Variants in DCLRE1B observed in about 807,000 individuals in gnomAD.
DCLRE1B encodes DNA cross-link repair 1B, also known as 5' exonuclease Apollo.
A neutral mutation model predicts 19.8 loss-of-function variants in DCLRE1B; 6 were observed. The observed-to-expected ratio is 0.30, with a 90% CI of 0.17 to 0.60. DCLRE1B has a LOEUF of 0.60. Ranked by LOEUF, DCLRE1B falls within the 20% of genes least tolerant of loss-of-function variation. The pLI, the probability that DCLRE1B is intolerant of heterozygous loss-of-function variation, is 0.87. For missense variants in DCLRE1B, 622 were observed against 654.2 expected, an observed-to-expected ratio of 0.95 and a Z score of 0.54; for synonymous variants, 258 against 255.7, an observed-to-expected ratio of 1.01 and a Z score of -0.09.
Position 113,905,366 on chromosome 1 carries a change from G to T in DCLRE1B, c.-221G>T. 1.8e-6 allele frequency: 1 copy of T among 557,126 alleles called. No individual in the cohort carries two copies. The highest frequency in any genetic ancestry group is 3.1e-6 in the Non-Finnish European group (1 of 322,782). The allele number at this position is 557,126 out of a possible 1,614,324, so 34.5% of individuals were successfully genotyped here. A position where few individuals can be genotyped will look rare whatever the true frequency, so the allele number is the denominator to read the frequency against. On this transcript the variant is annotated 5_prime_UTR_variant, in exon 1 of 4. Transcript: ENST00000650450. ...CTCGGCCTCCGCTCCCGCGCGGTTG[G>T]GAGTGTCCAGCGCCCTCCGCGATTT...
chr1:113,909,500 AAGG>A (rs1260667817), intron 3 of DCLRE1B, among the ~76,000 whole-genome samples: 5 of 152,324 alleles, frequency 3.3e-5, no homozygotes, highest in African/African-American at 7.2e-5. Flanking sequence ...TCAACTCTGA[AAGG>A]AGTTTCAAAA....
intron 1 of DCLRE1B, 21 bp downstream of exon 1, chr1:113,905,796 T>C (rs1456478269): frequency 6.3e-7 from 1 of 1,595,872 alleles, no homozygotes; most frequent in Non-Finnish European, 8.6e-7. Flanking sequence ...GGAGTCGGTC[T>C]CCGAGAGCTG....
intron 1 of DCLRE1B, 127 bp from the exon 2 acceptor site, chr1:113,906,869 T>C: frequency 9.9e-7 from 1 of 1,007,324 alleles, no homozygotes; most frequent in Non-Finnish European, 1.5e-6. Context: ...GAATCCCCAT[T>C]ACAGCTTCTG....
intron 3 of DCLRE1B, among the ~76,000 whole-genome samples, chr1:113,908,573 T>A (rs1031208292): frequency 2.0e-5 from 3 of 152,184 alleles, no homozygotes; most frequent in Non-Finnish European, 4.4e-5. Flanking sequence ...TAAGTGCCAT[T>A]GCACTCCAGC....
rs1437783844 is a variant in DCLRE1B at position 113,911,494 on chromosome 1, G to A, written c.902G>A (p.Arg301Gln). ...PCQVVPIVSR[R>Q]PCGGFQDSLS... is the part of the protein sequence containing the mutation. The stretch of plus-strand genomic sequence containing the variant: ...CAGGTGGTGCCCATTGTAAGTCGGC[G>A]GCCCTGTGGAGGCTTTCAGGACAGT... Residue 301 changes from arginine (R) to glutamine (Q), a missense_variant, in exon 4 of 4, where the codon CGG (arginine) becomes CAG (glutamine). Arg to Gln is a conservative substitution (Grantham distance 43). Coordinates refer to ENST00000650450, the MANE Select transcript of DCLRE1B (RefSeq NM_022836.4). 6.8e-6 allele frequency: 11 copies of A among 1,614,072 alleles called. No individual in the cohort carries two copies. Among genetic ancestry groups the A allele is most frequent in the Middle Eastern group, 1.6e-4 (1 of 6,062 alleles).
chr1:113,907,250 G>T, intron 2 of DCLRE1B, 89 bp downstream of exon 2: 1 of 1,149,760 alleles, frequency 8.7e-7, no homozygotes, highest in East Asian at 2.6e-5. Flanking sequence ...ATAGACTGGG[G>T]CCTCGCAGTG....
chr1:113,906,492 A>ACT (rs1027831146), intron 1 of DCLRE1B, among the ~76,000 whole-genome samples: 2 of 118,218 alleles, frequency 1.7e-5, no homozygotes, highest in Non-Finnish European at 3.7e-5. Flanking sequence ...TGTTTGCTGA[A>ACT]CTCTTTTTTT....
chr1:113,906,919 T>C, intron 1 of DCLRE1B, 77 bp from the exon 2 acceptor site: 2 of 1,534,114 alleles, frequency 1.3e-6, no homozygotes, highest in Non-Finnish European at 1.8e-6. Flanking sequence ...TCCTGATTCA[T>C]GTAAGGGATA....
At position 113,911,439 on chromosome 1, in the gene DCLRE1B, C is replaced by G. The variant is rs145569979; in HGVS notation, c.847C>G (p.Arg283Gly). The change falls in exon 4 of 4, where the codon CGT becomes GGT. Residue 283 changes from arginine (R) to glycine (G), a missense_variant. Coordinates refer to ENST00000650450, the MANE Select transcript of DCLRE1B (RefSeq NM_022836.4). Reference protein sequence around the residue: ...YSDHSSYSELRAFVAALKPCQ... With the variant: ...YSDHSSYSELGAFVAALKPCQ... Reference sequence around the variant, plus strand: ...TGACCATTCCTCTTACTCCGAGCTTCGTGCCTTTGTCGCAGCACTGAAGCC... The same window carrying G: ...TGACCATTCCTCTTACTCCGAGCTTGGTGCCTTTGTCGCAGCACTGAAGCC... 6.2e-6 allele frequency: 10 copies of G among 1,614,058 alleles called. No homozygotes were observed. The highest frequency in any genetic ancestry group is 8.5e-6 in the Non-Finnish European group (10 of 1,180,048).
rs1668851647 is a variant in DCLRE1B, at chr1:113,905,371, G to A, written c.-216G>A. 2 of 579,424 alleles carry A rather than the reference G, an allele frequency of 3.5e-6. No homozygotes were observed. The highest frequency in any genetic ancestry group is 3.0e-6 in the Non-Finnish European group (1 of 335,812). The allele number at this position is 579,424 out of a possible 1,614,324, so 35.9% of individuals were successfully genotyped here. A position where few individuals can be genotyped will look rare whatever the true frequency, so the allele number is the denominator to read the frequency against. On this transcript the variant is annotated 5_prime_UTR_variant, in exon 1 of 4. Transcript: ENST00000650450. Reference sequence around the variant, plus strand: ...CCTCCGCTCCCGCGCGGTTGGGAGTGTCCAGCGCCCTCCGCGATTTGGGCT... The same window carrying A: ...CCTCCGCTCCCGCGCGGTTGGGAGTATCCAGCGCCCTCCGCGATTTGGGCT...
chr1:113,912,418 A>G lies in DCLRE1B; in HGVS notation c.*227A>G. On this transcript the variant is annotated 3_prime_UTR_variant, in exon 4 of 4. Transcript: ENST00000650450. ...AGTTTAAGAAATACTTTTTTTATAA[A>G]ATCTTTGGAGTATGCGTGAGCAAAT... 2.2e-6 allele frequency: 1 copy of G among 461,570 alleles called. No homozygotes were observed. Among genetic ancestry groups the G allele is most frequent in the East Asian group, 3.5e-5 (1 of 28,544 alleles). 28.6% of individuals were successfully genotyped at this position (461,570 alleles called of 1,614,324 possible). A position where few individuals can be genotyped will look rare whatever the true frequency, so the allele number is the denominator to read the frequency against.
At chr1:113,908,914 G>C (rs949381422) in intron 3 of DCLRE1B, among the ~76,000 whole-genome samples, 1 of 152,186 alleles carries the variant, frequency 6.6e-6, no homozygotes. Flanking sequence ...CAGGCACACA[G>C]TGGGCAAGGA....
Position 113,911,741 on chromosome 1 carries a change from G to A in DCLRE1B, c.1149G>A (p.Ala383=), listed in dbSNP as rs759682384. ...AKKEKLSPWP[A]DLEKQPSHHP... is the part of the protein sequence containing the mutation. Reference sequence around the variant, plus strand: ...AAGAGAAACTTTCTCCCTGGCCTGCGGACCTTGAAAAGCAGCCTTCCCACC... The same window carrying A: ...AAGAGAAACTTTCTCCCTGGCCTGCAGACCTTGAAAAGCAGCCTTCCCACC... Residue 383 remains alanine, a synonymous_variant, in exon 4 of 4, where the codon GCG becomes GCA. Transcript: ENST00000650450. The A allele has an allele frequency of 1.3e-5, 21 of 1,614,036 alleles. No homozygotes were observed. The highest frequency in any genetic ancestry group is 1.6e-4 in the Middle Eastern group (1 of 6,084).
At chr1:113,907,202 ATGTTTTTT>A in intron 2 of DCLRE1B, 41 bp downstream of exon 2, 10 of 203,224 alleles carry the variant, frequency 4.9e-5, no homozygotes, top group South Asian at 1.5e-4. Context: ...TCCAGACTAG[ATGTTTTTT>A]TTTTTTTTTT....
At position 113,905,334 on chromosome 1, in the gene DCLRE1B, T is replaced by G; in HGVS notation, c.-253T>G. On this transcript the variant is annotated 5_prime_UTR_variant, in exon 1 of 4. Coordinates refer to ENST00000650450, the MANE Select transcript of DCLRE1B (RefSeq NM_022836.4). ...TCCTCCCTGCAGCGCGCGCTTTGAG[T>G]GCCCGGCTCGGCCTCCGCTCCCGCG... 2.0e-6 allele frequency: 1 copy of G among 500,236 alleles called. No individual in the cohort carries two copies. Among genetic ancestry groups the G allele is most frequent in the Non-Finnish European group, 3.5e-6 (1 of 283,132 alleles). The allele number at this position is 500,236 out of a possible 1,614,324, so 31.0% of individuals were successfully genotyped here.
chr1:113,905,691 C>G lies in DCLRE1B; in HGVS notation c.105C>G (p.Asp35Glu). 2.5e-6 allele frequency: 4 copies of G among 1,614,200 alleles called. No individual in the cohort carries two copies. The highest frequency in any genetic ancestry group is 3.4e-6 in the Non-Finnish European group (4 of 1,180,040). The change falls in exon 1 of 4, where the codon GAC becomes GAG. Residue 35 changes from aspartate to glutamate, a missense_variant. This residue lies in a region of DCLRE1B where 237 missense variants were observed against 223.8 expected (regional missense o/e 1.06). Coordinates refer to ENST00000650450, the MANE Select transcript of DCLRE1B (RefSeq NM_022836.4). The part of the protein sequence containing the change: ...RLFFLSHMHS[D>E]HTVGLSSTWA... ...TCTTCTTGTCTCACATGCACTCGGACCACACCGTGGGCCTGTCTAGCACCT... is the reference window on the plus strand; with the variant it reads ...TCTTCTTGTCTCACATGCACTCGGAGCACACCGTGGGCCTGTCTAGCACCT...
rs541805766 is a variant in DCLRE1B, at chr1:113,905,967, T to C, written c.189+192T>C. ...CCAACTTGAGATAGTTAGCCATAAG[T>C]TGAGGAGATATTTTAATCCAGCCAA... On this transcript the variant is annotated intron_variant, in intron 1 of 3. Transcript: ENST00000650450. 4.1e-4 allele frequency among the ~76,000 whole-genome samples: 62 copies of C among 151,958 alleles called. 1 individual carries two copies. The highest frequency in any genetic ancestry group is 1.4e-3 in the African/African-American group (58 of 41,416).
In DCLRE1B at chr1:113,912,742, T is replaced by C. The variant is rs1432163426; in HGVS notation, c.*551T>C. 2 of 152,390 alleles carry C rather than the reference T, an allele frequency of 1.3e-5. No homozygotes were observed. Among genetic ancestry groups the C allele is most frequent in the Non-Finnish European group, 2.9e-5 (2 of 68,094 alleles). 9.4% of individuals were successfully genotyped at this position (152,390 alleles called of 1,614,324 possible). On this transcript the variant is annotated 3_prime_UTR_variant, in exon 4 of 4. Transcript: ENST00000650450. Reference sequence around the variant, plus strand: ...CACTGACTTGCTGTGACCATCCAAATAATTTTCCTGTCTCTGCCTCTGGGA... The same window carrying C: ...CACTGACTTGCTGTGACCATCCAAACAATTTTCCTGTCTCTGCCTCTGGGA...
chr1:113,911,238 C>A lies in DCLRE1B; in HGVS notation c.646C>A (p.Leu216Met). ...CCTGGAGTTGGTACAGCTACTGGGC[C>A]TGGCAGATGTGTTCACAGTGGAGGA... Reference protein sequence around the residue: ...RRLELVQLLGLADVFTVEEKA... With the variant: ...RRLELVQLLGMADVFTVEEKA... Residue 216 changes from leucine (L) to methionine (M), a missense_variant, in exon 4 of 4, where the codon CTG becomes ATG. Around this residue, in one of 3 missense-constraint regions of DCLRE1B, gnomAD observed 382 missense variants for 412.5 expected, o/e 0.93. Coordinates refer to ENST00000650450, the MANE Select transcript of DCLRE1B (RefSeq NM_022836.4). The A allele has an allele frequency of 6.2e-7, 1 of 1,614,158 alleles. No individual in the cohort carries two copies. The highest frequency in any genetic ancestry group is 8.5e-7 in the Non-Finnish European group (1 of 1,180,034).
Sources: allele counts gnomAD v4.1 joint callset (sites outside exome capture counted in the v4.1 genomes callset), GRCh38; gene constraint gnomAD v4.1.1; regional missense constraint gnomAD v4.1.1; transcripts MANE v1.5; gene names NCBI Gene and HGNC (gene_info 2026-07-23, HGNC 2026-07-21).